The following ARFGEF1 variants were observed in gnomAD, a reference collection of about 807,000 sequenced individuals.
ARFGEF1 encodes ARF guanine nucleotide exchange factor 1.
Under a neutral mutation model 231.0 loss-of-function variants are expected in ARFGEF1, and 42 were observed. That is an observed-to-expected ratio of 0.18 (90% CI 0.14 to 0.24). The LOEUF is 0.24. Ranked by LOEUF, ARFGEF1 falls within the 10% of genes least tolerant of loss-of-function variation. The pLI is 1.00. For synonymous variants in ARFGEF1, 710 were observed against 732.3 expected, an observed-to-expected ratio of 0.97 and a Z score of 0.49; for missense variants, 1,345 against 2,192.0, an observed-to-expected ratio of 0.61 and a Z score of 7.72.
At chr8:67,174,578 T>G (rs1430814315), downstream of ARFGEF1, 2 of 152,030 alleles carry the variant, frequency 1.3e-5, no homozygotes, top group South Asian at 2.1e-4. Flanking sequence ...CTGGCCAACA[T>G]AGTGAAACCT....
chr8:67,181,452 G>A (rs1291621515), intron 5 of ARFGEF1, among the ~76,000 whole-genome samples: 6 of 151,542 alleles, frequency 4.0e-5, no homozygotes, highest in African/African-American at 7.3e-5. Context: ...TGCTTGTCAG[G>A]GAAATGAGAC....
At chr8:67,219,027 C>T (rs575343012) in intron 30 of ARFGEF1, among the ~76,000 whole-genome samples, 15 of 152,174 alleles carry the variant, frequency 9.9e-5, no homozygotes, top group South Asian at 8.3e-4. Flanking sequence ...AGTGCAGTGG[C>T]GCGATCTCAG....
intron 14 of ARFGEF1, among the ~76,000 whole-genome samples, chr8:67,261,918 T>C (rs1804638837): frequency 1.3e-5 from 2 of 150,302 alleles, no homozygotes; most frequent in African/African-American, 2.5e-5. Flanking sequence ...GCCTCATGAG[T>C]AGCTGGGATT....
intron 23 of ARFGEF1, among the ~76,000 whole-genome samples, chr8:67,229,649 T>C (rs1273793957): frequency 6.6e-6 from 1 of 151,918 alleles, no homozygotes; most frequent in East Asian, 1.9e-4. Flanking sequence ...GACCCAGAAA[T>C]TAAAGATATA....
chr8:67,341,379 G>C (rs1303445494), intron 1 of ARFGEF1, among the ~76,000 whole-genome samples: 3 of 142,688 alleles, frequency 2.1e-5, no homozygotes, highest in South Asian at 4.4e-4. Context: ...CTTCAGCCCA[G>C]ATTTGGAGAC....
intron 10 of ARFGEF1, among the ~76,000 whole-genome samples, chr8:67,268,888 A>C (rs1432253913): frequency 2.0e-5 from 3 of 152,234 alleles, no homozygotes; most frequent in African/African-American, 7.2e-5. Context: ...TGCAACTTTC[A>C]TGAAAAGTCA....
At chr8:67,189,580 T>C (rs1013935124) in intron 5 of ARFGEF1, among the ~76,000 whole-genome samples, 1 of 152,246 alleles carries the variant, frequency 6.6e-6, no homozygotes, top group Non-Finnish European at 1.5e-5. Context: ...TGAATATCAA[T>C]TATATGTTAA....
rs76846791 is a variant in ARFGEF1, at chr8:67,268,287, G to A, written c.1573-845C>T. 2.3e-3 allele frequency among the ~76,000 whole-genome samples: 357 copies of A among 152,264 alleles called. 3 individuals are homozygous for A. Among genetic ancestry groups the A allele is most frequent in the South Asian group, 5.4e-3 (26 of 4,828 alleles). Reference sequence around the variant, plus strand: ...TATCAGTATCTCCTATAGACTGTAAGCTTGAAGACAGTAATGACCAGGTCT... The same window carrying A: ...TATCAGTATCTCCTATAGACTGTAAACTTGAAGACAGTAATGACCAGGTCT... On this transcript the variant is annotated intron_variant, in intron 10 of 38. Transcript: ENST00000262215.
intron 3 of ARFGEF1, 115 bp downstream of exon 3, chr8:67,301,109 C>T (rs1032923710): frequency 1.9e-5 from 19 of 1,026,994 alleles, no homozygotes; most frequent in Non-Finnish European, 2.4e-5. Flanking sequence ...GGATTTTTTA[C>T]CACAAAAAAG....
chr8:67,299,980 A>C (rs576612180), intron 3 of ARFGEF1, among the ~76,000 whole-genome samples: 54 of 152,206 alleles, frequency 3.5e-4, no homozygotes, highest in African/African-American at 1.2e-3. Context: ...AAAAAACAAA[A>C]AAAAAATTGC....
At chr8:67,239,716 C>T (rs1839872985) in intron 20 of ARFGEF1, among the ~76,000 whole-genome samples, 1 of 152,074 alleles carries the variant, frequency 6.6e-6, no homozygotes, top group Admixed American at 6.6e-5. Context: ...ATATAAATTA[C>T]TAGAAAGGAC....
intron 5 of ARFGEF1, among the ~76,000 whole-genome samples, chr8:67,189,688 GA>G (rs1835667394): frequency 6.6e-6 from 1 of 152,146 alleles, no homozygotes; most frequent in Admixed American, 6.5e-5. Flanking sequence ...GATAAACACT[GA>G]AATATTGAGA....
rs1554636815 is a variant in ARFGEF1, at chr8:67,222,190, T to TATATATACACACAC, written c.4209-2631_4209-2630insGTGTGTGTATATAT. Among the ~76,000 whole-genome samples the TATATATACACACAC allele has an allele frequency of 5.3e-4, 71 of 134,924 alleles. No individual in the cohort carries two copies. The South Asian group carries it at 0.013, about 24-fold the overall frequency. The allele number at this position is 134,924 out of a possible 152,430, so 88.5% of individuals were successfully genotyped here. A position where few individuals can be genotyped will look rare whatever the true frequency, so the allele number is the denominator to read the frequency against. On this transcript the variant is annotated intron_variant, in intron 29 of 38. Coordinates refer to ENST00000262215, the MANE Select transcript of ARFGEF1 (RefSeq NM_006421.5). The stretch of plus-strand genomic sequence containing the variant: ...ATATATATATATATACACATATATA[T>TATATATACACACAC]ATATATATATATATACACACACATA...
At chr8:67,307,733 A>G (rs997922518) in intron 1 of ARFGEF1, among the ~76,000 whole-genome samples, 6 of 152,082 alleles carry the variant, frequency 3.9e-5, no homozygotes, top group Admixed American at 2.6e-4. Flanking sequence ...GTGGCTGACT[A>G]TATTTCCCAA....
At chr8:67,236,362 AAAAATAT>A (rs1460997543) in intron 22 of ARFGEF1, among the ~76,000 whole-genome samples, 7 of 41,760 alleles carry the variant, frequency 1.7e-4, no homozygotes, top group African/African-American at 4.8e-4. Flanking sequence ...AAAAAAAAAA[AAAAATAT>A]ATATATATAT....
At chr8:67,271,539 C>T (rs1187156089) in intron 10 of ARFGEF1, among the ~76,000 whole-genome samples, 163 bp downstream of exon 10, 2 of 151,984 alleles carry the variant, frequency 1.3e-5, no homozygotes, top group East Asian at 3.9e-4. Flanking sequence ...CCTAGTACTT[C>T]GTTGGCACAT....
intron 6 of ARFGEF1, 66 bp downstream of exon 6, chr8:67,291,781 T>A (rs1481776740): frequency 3.9e-6 from 6 of 1,535,746 alleles, no homozygotes; most frequent in Non-Finnish European, 4.4e-6. Flanking sequence ...CATTTCTTCA[T>A]CAAAACTCTC....
At chr8:67,304,075 C>G (rs17335495) in intron 1 of ARFGEF1, among the ~76,000 whole-genome samples, 2,668 of 152,268 alleles carry the variant, frequency 0.018, 39 homozygotes, top group Admixed American at 0.043. Flanking sequence ...ATAGGTGTAT[C>G]TGAGAAACTG....
intron 5 of ARFGEF1, among the ~76,000 whole-genome samples, chr8:67,188,481 CAG>C (rs1324146065): frequency 6.6e-5 from 10 of 152,188 alleles, no homozygotes; most frequent in Admixed American, 1.3e-4. Flanking sequence ...CCTGAGAGCA[CAG>C]GGGGAGGGAC....
Sources: allele counts gnomAD v4.1 joint callset (sites outside exome capture counted in the v4.1 genomes callset), GRCh38; gene constraint gnomAD v4.1.1; transcripts MANE v1.5; gene names NCBI Gene and HGNC (gene_info 2026-07-23, HGNC 2026-07-21).